RAB3C: variants seen among roughly 807,000 people sequenced by gnomAD.
RAB3C encodes ras-related protein Rab-3C.
RAB3C carries 17 observed loss-of-function variants against 26.4 expected under a neutral mutation model. That is an observed-to-expected ratio of 0.64 (90% confidence interval 0.44 to 0.97). The LOEUF (loss-of-function observed/expected upper bound fraction) is 0.97, where lower values mean the gene tolerates loss of function less well. RAB3C is among the 50% of genes least tolerant of loss of function. The probability of loss-of-function intolerance (pLI) is 0.00; values close to 1 mark genes in which losing one functional copy is unlikely to be tolerated. For missense variants in RAB3C, 242 were observed against 281.9 expected (o/e 0.86, Z 1.01); for synonymous variants, 91 against 95.9 (o/e 0.95, Z 0.30).
chr5:58,595,560 G>A (rs766222970), intron 1 of RAB3C, among the ~76,000 whole-genome samples: 4 of 152,044 alleles, frequency 2.6e-5, no homozygotes, highest in Admixed American at 1.3e-4. Context: ...CCATATGAAC[G>A]TTTGTTAATC....
chr5:58,830,602 C>A (rs971417111), intron 4 of RAB3C, among the ~76,000 whole-genome samples: 1 of 152,178 alleles, frequency 6.6e-6, no homozygotes, highest in African/African-American at 2.4e-5. Context: ...CTCTAAGATT[C>A]TCTGATTCAC....
rs548786556 is a variant in RAB3C at position 58,613,226 on chromosome 5, A to G, written c.25-4417A>G. Among the ~76,000 whole-genome samples, 13 of 152,270 alleles carry G rather than the reference A, an allele frequency of 8.5e-5. No homozygotes were observed. The South Asian group carries it at 1.2e-3, about 15-fold the overall frequency. On this transcript the variant is annotated intron_variant, in intron 1 of 4. Coordinates refer to ENST00000282878, the MANE Select transcript of RAB3C (RefSeq NM_138453.4). ...TTAAATCCATGATCTATTCACTGCT[A>G]TTGAACCAAGGCCTACCTGGAGCAA...
chr5:58,807,248 TG>T (rs1399858086), intron 3 of RAB3C, among the ~76,000 whole-genome samples: 1 of 152,194 alleles, frequency 6.6e-6, no homozygotes, highest in Non-Finnish European at 1.5e-5. Flanking sequence ...TCTCTGCAGA[TG>T]GGAAGCAAGA....
At chr5:58,697,454 C>A (rs1247986532) in intron 2 of RAB3C, among the ~76,000 whole-genome samples, 1 of 152,100 alleles carries the variant, frequency 6.6e-6, no homozygotes, top group Non-Finnish European at 1.5e-5. Context: ...CGTTGCAGAG[C>A]TGAGTTCAGG....
intron 3 of RAB3C, among the ~76,000 whole-genome samples, chr5:58,792,818 C>T (rs1056125967): frequency 6.6e-6 from 1 of 151,752 alleles, no homozygotes; most frequent in Non-Finnish European, 1.5e-5. Context: ...TATATATACA[C>T]ACACACAAAG....
At chr5:58,795,418 A>C (rs1228724855) in intron 3 of RAB3C, among the ~76,000 whole-genome samples, 1 of 152,144 alleles carries the variant, frequency 6.6e-6, no homozygotes, top group Non-Finnish European at 1.5e-5. Context: ...TTTCCATTCT[A>C]TCACCTGGCA....
intron 3 of RAB3C, among the ~76,000 whole-genome samples, chr5:58,796,396 C>T (rs1181261339): frequency 6.6e-6 from 1 of 152,100 alleles, no homozygotes; most frequent in Non-Finnish European, 1.5e-5. Context: ...CTTCAGTTTA[C>T]CCAGCTATAA....
At chr5:58,740,145 G>A (rs1415651570) in intron 3 of RAB3C, among the ~76,000 whole-genome samples, 1 of 152,206 alleles carries the variant, frequency 6.6e-6, no homozygotes, top group Admixed American at 6.5e-5. Flanking sequence ...GCCAGGCCAG[G>A]CAGGGGCCAT....
chr5:58,618,869 A>G (rs1320704400), intron 2 of RAB3C, among the ~76,000 whole-genome samples: 1 of 152,168 alleles, frequency 6.6e-6, no homozygotes, highest in Non-Finnish European at 1.5e-5. Context: ...GACATTTACA[A>G]CAGCTACTAC....
At chr5:58,641,330 A>G (rs1030935773) in intron 2 of RAB3C, among the ~76,000 whole-genome samples, 1 of 152,164 alleles carries the variant, frequency 6.6e-6, no homozygotes, top group Non-Finnish European at 1.5e-5. Context: ...CCCACTTACG[A>G]AGGAGAAAAC....
At chr5:58,783,255 A>T (rs892197014) in intron 3 of RAB3C, among the ~76,000 whole-genome samples, 3 of 152,170 alleles carry the variant, frequency 2.0e-5, no homozygotes, top group Non-Finnish European at 4.4e-5. Context: ...ATTTTTTTAG[A>T]TTAAAGGCTA....
chr5:58,777,259 T>G (rs1197851180), intron 3 of RAB3C, among the ~76,000 whole-genome samples: 1 of 152,122 alleles, frequency 6.6e-6, no homozygotes, highest in African/African-American at 2.4e-5. Flanking sequence ...TCTGGCCTTT[T>G]CAGTTCTCTC....
At chr5:58,762,055 C>CA (rs57056495) in intron 3 of RAB3C, among the ~76,000 whole-genome samples, 2,365 of 130,340 alleles carry the variant, frequency 0.018, 40 homozygotes, top group African/African-American at 0.043. Flanking sequence ...CTTTTAGAAG[C>CA]AAAAAAAAAA....
At position 58,825,019 on chromosome 5, in the gene RAB3C, C is replaced by A. The variant is rs1212941690; in HGVS notation, c.372-19C>A. 16 of 1,576,414 alleles carry A rather than the reference C, an allele frequency of 1.0e-5. No individual in the cohort carries two copies. Among genetic ancestry groups the A allele is most frequent in the Non-Finnish European group, 1.3e-5 (15 of 1,153,138 alleles). On this transcript the variant is annotated intron_variant, in intron 3 of 4. Coordinates refer to ENST00000282878, the MANE Select transcript of RAB3C (RefSeq NM_138453.4). ...TCTGCTTTCCTCTGATTGTGTCATG[C>A]TTCTTCTTTTTCTTTTAGGTCAACT...
At chr5:58,732,420 T>C (rs1741046825) in intron 3 of RAB3C, among the ~76,000 whole-genome samples, 1 of 152,156 alleles carries the variant, frequency 6.6e-6, no homozygotes, top group Non-Finnish European at 1.5e-5. Flanking sequence ...TGGATGGAAA[T>C]GCTTTTTATT....
chr5:58,592,809 T>C (rs541580852), intron 1 of RAB3C, among the ~76,000 whole-genome samples: 191 of 152,266 alleles, frequency 1.3e-3, no homozygotes, highest in Non-Finnish European at 2.2e-3. Flanking sequence ...TAATGTCATT[T>C]TTTTCATCTG....
Position 58,667,922 on chromosome 5 carries a change from G to C in RAB3C, c.252+50052G>C, listed in dbSNP as rs374526539. On this transcript the variant is annotated intron_variant, in intron 2 of 4. Coordinates refer to ENST00000282878, the MANE Select transcript of RAB3C (RefSeq NM_138453.4). Reference sequence around the variant, plus strand: ...TATTCTATGCCTCTTATATGGACTTGAAATTATTAATATTCATCCTCCATT... The same window carrying C: ...TATTCTATGCCTCTTATATGGACTTCAAATTATTAATATTCATCCTCCATT... Among the ~76,000 whole-genome samples the C allele has an allele frequency of 1.4e-4, 21 of 152,188 alleles. No homozygotes were observed. In the East Asian group the frequency reaches 3.9e-3, roughly 28 times the overall value.
chr5:58,821,122 T>C (rs1320551143), intron 3 of RAB3C, among the ~76,000 whole-genome samples: 1 of 152,178 alleles, frequency 6.6e-6, no homozygotes, highest in Non-Finnish European at 1.5e-5. Flanking sequence ...CAAGGACTCA[T>C]TTGTCCTCAG....
chr5:58,630,846 A>G (rs879380840), intron 2 of RAB3C, among the ~76,000 whole-genome samples: 3 of 152,206 alleles, frequency 2.0e-5, no homozygotes, highest in Admixed American at 6.5e-5. Context: ...CAGTGTTGGC[A>G]TTTATCACAA....
Sources: allele counts gnomAD v4.1 joint callset (sites outside exome capture counted in the v4.1 genomes callset), GRCh38; gene constraint gnomAD v4.1.1; transcripts MANE v1.5; gene names NCBI Gene and HGNC (gene_info 2026-07-23, HGNC 2026-07-21).